Variants in SEMA3A observed in about 807,000 individuals in gnomAD.
The protein encoded by SEMA3A is semaphorin 3A.
A neutral mutation model predicts 97.9 loss-of-function variants in SEMA3A; 29 were observed. The observed-to-expected ratio is 0.30, with a 90% confidence interval of 0.22 to 0.40. The LOEUF (loss-of-function observed/expected upper bound fraction) is 0.40. Ranked by LOEUF, SEMA3A falls within the 10% of genes least tolerant of loss-of-function variation. The pLI, the probability that SEMA3A is intolerant of heterozygous loss-of-function variation, is 1.00. For synonymous variants in SEMA3A, 321 were observed against 323.7 expected (o/e 0.99, Z 0.09); for missense variants, 763 against 951.3 (o/e 0.80, Z 2.60).
intron 3 of SEMA3A, among the ~76,000 whole-genome samples, chr7:84,128,509 T>G (rs1298201328): frequency 6.6e-6 from 1 of 152,140 alleles, no homozygotes; most frequent in Non-Finnish European, 1.5e-5. Flanking sequence ...GTTAATTAGT[T>G]TTTCCATATA....
At chr7:84,105,326 ATTT>A (rs1328523958) in intron 4 of SEMA3A, among the ~76,000 whole-genome samples, 1 of 152,146 alleles carries the variant, frequency 6.6e-6, no homozygotes, top group Admixed American at 6.6e-5. Flanking sequence ...CTTAAATAAC[ATTT>A]TGGCCTGGGG....
In SEMA3A at chr7:84,194,640, C is replaced by A; in HGVS notation, c.-54G>T. 1 of 1,142,214 alleles carries A rather than the reference C, an allele frequency of 8.8e-7. No homozygotes were observed. Among genetic ancestry groups the A allele is most frequent in the Non-Finnish European group, 1.3e-6 (1 of 762,314 alleles). The allele number at this position is 1,142,214 out of a possible 1,614,324, so 70.8% of individuals were successfully genotyped here. A position where few individuals can be genotyped will look rare whatever the true frequency, so the allele number is the denominator to read the frequency against. ...CTTTAGTCTTCCTTCCTGTATTGTG[C>A]GGCCAGAGAAGTTCAAACAATCTGG... On this transcript the variant is annotated 5_prime_UTR_variant, in exon 1 of 17. Coordinates refer to ENST00000265362, the MANE Select transcript of SEMA3A (RefSeq NM_006080.3).
intron 13 of SEMA3A, among the ~76,000 whole-genome samples, chr7:83,982,047 A>G (rs769657603): frequency 6.6e-6 from 1 of 152,134 alleles, no homozygotes; most frequent in Non-Finnish European, 1.5e-5. Flanking sequence ...TAAAAAGACT[A>G]CTAAATTACT....
At chr7:84,369,782 A>C (rs568861656) in intron 2 of SEMA3A, among the ~76,000 whole-genome samples, 1 of 149,500 alleles carries the variant, frequency 6.7e-6, no homozygotes, top group East Asian at 1.9e-4. Context: ...ATATATAATA[A>C]AAATAACATC....
chr7:84,439,016 G>C (rs1417462657), intron 1 of SEMA3A, among the ~76,000 whole-genome samples: 1 of 151,648 alleles, frequency 6.6e-6, no homozygotes, highest in Non-Finnish European at 1.5e-5. Flanking sequence ...TTGTGTCAGA[G>C]GGGCCTGAGC....
intron 12 of SEMA3A, among the ~76,000 whole-genome samples, chr7:84,001,201 A>G (rs1326857536): frequency 2.6e-5 from 4 of 152,060 alleles, no homozygotes; most frequent in Admixed American, 6.6e-5. Context: ...GTGTGCTTTA[A>G]TTTAAACTAT....
intron 6 of SEMA3A, among the ~76,000 whole-genome samples, chr7:84,020,872 T>C (rs1340219134): frequency 6.6e-6 from 1 of 152,178 alleles, no homozygotes; most frequent in Non-Finnish European, 1.5e-5. Flanking sequence ...CCATACAGTG[T>C]ACAAAAATAA....
intron 1 of SEMA3A, among the ~76,000 whole-genome samples, chr7:84,174,250 G>T (rs1797491391): frequency 1.3e-5 from 2 of 152,120 alleles, no homozygotes; most frequent in African/African-American, 4.8e-5. Context: ...TATCTTCCAT[G>T]AAATGGGTCC....
At chr7:84,034,084 A>G (rs911520209) in intron 6 of SEMA3A, among the ~76,000 whole-genome samples, 1 of 151,810 alleles carries the variant, frequency 6.6e-6, no homozygotes, top group African/African-American at 2.4e-5. Flanking sequence ...CCCAGGTTCA[A>G]CTGATTCTCC....
At chr7:84,312,928 A>G (rs1801377054) in intron 2 of SEMA3A, among the ~76,000 whole-genome samples, 1 of 126,118 alleles carries the variant, frequency 7.9e-6, no homozygotes, top group Admixed American at 8.1e-5. Flanking sequence ...ATATACACAC[A>G]CACACACACA....
intron 12 of SEMA3A, among the ~76,000 whole-genome samples, chr7:83,994,101 A>T (rs1790096385): frequency 6.7e-6 from 1 of 150,108 alleles, no homozygotes; most frequent in African/African-American, 2.5e-5. Flanking sequence ...CTTCCAGTTG[A>T]TTGCATCGGC....
intron 3 of SEMA3A, among the ~76,000 whole-genome samples, chr7:84,257,477 A>G (rs116870354): frequency 0.014 from 2,074 of 152,264 alleles, 17 homozygotes; most frequent in Non-Finnish European, 0.021. Context: ...TATATTTAGA[A>G]TCCCATACAC....
intron 1 of SEMA3A, among the ~76,000 whole-genome samples, chr7:84,191,372 T>C (rs1395410623): frequency 6.6e-6 from 1 of 151,660 alleles, no homozygotes; most frequent in Non-Finnish European, 1.5e-5. Context: ...AGGATCACCA[T>C]CACATTGAGA....
chr7:84,222,801 G>A (rs1798908418), intron 3 of SEMA3A, among the ~76,000 whole-genome samples: 1 of 151,814 alleles, frequency 6.6e-6, no homozygotes, highest in Admixed American at 6.6e-5. Context: ...TTGCCAAGCT[G>A]TTCAAGGGCA....
chr7:84,300,172 A>C (rs888421698), intron 3 of SEMA3A, among the ~76,000 whole-genome samples: 11 of 151,828 alleles, frequency 7.2e-5, no homozygotes, highest in African/African-American at 2.7e-4. Flanking sequence ...AGAAAAAAAA[A>C]CAAAATTAGT....
rs560472427 is a variant in SEMA3A at position 84,352,378 on chromosome 7, G to A, written c.-169+19446C>T. Among the ~76,000 whole-genome samples, 3 of 151,136 alleles carry A rather than the reference G, an allele frequency of 2.0e-5. No individual in the cohort carries two copies. The East Asian group carries it at 5.8e-4, about 29-fold the overall frequency. Reference sequence around the variant, plus strand: ...GATACTTTTAAAAATAACAAAAAGAGTATAATTGGAATGTTCATATCACAA... The same window carrying A: ...GATACTTTTAAAAATAACAAAAAGAATATAATTGGAATGTTCATATCACAA... On this transcript the variant is annotated intron_variant, in intron 2 of 3. Coordinates refer to the SEMA3A transcript ENST00000424555.
chr7:83,993,990 T>C (rs9718862), intron 12 of SEMA3A, among the ~76,000 whole-genome samples: 31,970 of 115,204 alleles, frequency 0.28, 4,401 homozygotes, highest in East Asian at 0.73. Context: ...CATAGTCCCA[T>C]ATTTCTTGGA....
At chr7:83,994,323 G>A (rs377538941) in intron 12 of SEMA3A, among the ~76,000 whole-genome samples, 1 of 117,044 alleles carries the variant, frequency 8.5e-6, no homozygotes, top group Non-Finnish European at 1.8e-5. Flanking sequence ...GCTCATCAAA[G>A]TCATTCTCCA....
intron 1 of SEMA3A, among the ~76,000 whole-genome samples, chr7:84,417,567 A>G (rs771199554): frequency 1.3e-5 from 2 of 152,116 alleles, no homozygotes; most frequent in Admixed American, 6.6e-5. Flanking sequence ...TTTTTTAGTG[A>G]CTTTACCTAA....
Sources: allele counts gnomAD v4.1 joint callset (sites outside exome capture counted in the v4.1 genomes callset), GRCh38; gene constraint gnomAD v4.1.1; transcripts MANE v1.5; gene names NCBI Gene and HGNC (gene_info 2026-07-23, HGNC 2026-07-21).